DCLK2: variants seen among roughly 807,000 people sequenced by gnomAD.
The protein encoded by DCLK2 is serine/threonine-protein kinase DCLK2.
A neutral mutation model predicts 78.4 loss-of-function variants in DCLK2; 31 were observed. The ratio of observed to expected loss-of-function variants is 0.40; its 90% CI spans 0.30 to 0.53. DCLK2 has a LOEUF of 0.53. Ranked by LOEUF, DCLK2 falls within the 20% of genes least tolerant of loss-of-function variation. The probability of loss-of-function intolerance (pLI) is 0.61; values close to 1 mark genes in which losing one functional copy is unlikely to be tolerated. For synonymous variants in DCLK2, 407 were observed against 374.9 expected, an observed-to-expected ratio of 1.09 and a Z score of -0.99; for missense variants, 872 against 973.7, an observed-to-expected ratio of 0.90 and a Z score of 1.39.
chr4:150,164,835 C>T (rs570213362), intron 2 of DCLK2, among the ~76,000 whole-genome samples: 24 of 152,222 alleles, frequency 1.6e-4, no homozygotes, highest in South Asian at 6.2e-4. Flanking sequence ...TTTATTAGTA[C>T]AGATTAACCA....
Position 150,253,636 on chromosome 4 carries a change from G to C in DCLK2, c.2074-2384G>C, listed in dbSNP as rs1234423844. ...CTGCATGCTTGTCTCAGTTTCTGAT[G>C]CCGCCGTCCGGCTCTCAGCTGCTTA... On this transcript the variant is annotated intron_variant, in intron 15 of 15. Transcript: ENST00000296550. 4 of 1,276,254 alleles carry C rather than the reference G, an allele frequency of 3.1e-6. No individual in the cohort carries two copies. In the African/African-American group the frequency reaches 6.1e-5, roughly 20 times the overall value. 79.1% of individuals were successfully genotyped at this position (1,276,254 alleles called of 1,614,324 possible).
intron 2 of DCLK2, among the ~76,000 whole-genome samples, chr4:150,174,387 T>G (rs1345535722): frequency 2.6e-5 from 4 of 152,300 alleles, no homozygotes; most frequent in East Asian, 3.9e-4. Flanking sequence ...TGCTTCTTGT[T>G]TTATATAATA....
intron 7 of DCLK2, among the ~76,000 whole-genome samples, chr4:150,223,752 A>AATAG: frequency 6.6e-6 from 1 of 150,888 alleles, no homozygotes; most frequent in South Asian, 2.1e-4. Context: ...TCAATAAATA[A>AATAG]ATAAATAAAT....
intron 2 of DCLK2, among the ~76,000 whole-genome samples, chr4:150,156,906 G>T (rs1035003702): frequency 1.3e-5 from 2 of 151,582 alleles, no homozygotes; most frequent in Admixed American, 1.3e-4. Context: ...AAGTAGCTGA[G>T]GCCACCGATG....
chr4:150,125,310 CTATAAT>C (rs1323352116), intron 2 of DCLK2, among the ~76,000 whole-genome samples: 1 of 152,150 alleles, frequency 6.6e-6, no homozygotes, highest in Non-Finnish European at 1.5e-5. Flanking sequence ...TTTTACCACT[CTATAAT>C]TATTCCTATT....
Position 150,121,997 on chromosome 4 carries a change from T to C in DCLK2, c.756+19185T>C, listed in dbSNP as rs144139745. Among the ~76,000 whole-genome samples, 628 of 152,348 alleles carry C rather than the reference T, an allele frequency of 4.1e-3. 4 individuals carry two copies. The highest frequency in any genetic ancestry group is 0.015 in the African/African-American group (607 of 41,586). Reference sequence around the variant, plus strand: ...AACCATGCTGTAAATAGATGCACTGTCATCCAGACTTTGTTGTTCCATTTA... The same window carrying C: ...AACCATGCTGTAAATAGATGCACTGCCATCCAGACTTTGTTGTTCCATTTA... On this transcript the variant is annotated intron_variant, in intron 2 of 15. Transcript: ENST00000296550.
chr4:150,193,706 A>T (rs1266894932), intron 3 of DCLK2, among the ~76,000 whole-genome samples: 3 of 152,194 alleles, frequency 2.0e-5, no homozygotes, highest in African/African-American at 7.2e-5. Context: ...AATGGTGATT[A>T]TCTGAGGTGT....
chr4:150,224,679 T>C (rs1741463180), intron 8 of DCLK2, 121 bp downstream of exon 8: 3 of 684,300 alleles, frequency 4.4e-6, no homozygotes, highest in Non-Finnish European at 6.9e-6. Flanking sequence ...TAGAGACCAG[T>C]AATAGTGGGA....
At chr4:150,167,376 T>A (rs1048754899) in intron 2 of DCLK2, among the ~76,000 whole-genome samples, 1 of 152,246 alleles carries the variant, frequency 6.6e-6, no homozygotes, top group African/African-American at 2.4e-5. Flanking sequence ...GGAAATAGTT[T>A]GTATCTGCCC....
intron 12 of DCLK2, among the ~76,000 whole-genome samples, chr4:150,247,102 C>G (rs1743376677): frequency 6.6e-6 from 1 of 152,072 alleles, no homozygotes; most frequent in African/African-American, 2.4e-5. Context: ...TTCTGCCTTT[C>G]CTTTCTTGTT....
At chr4:150,179,493 A>G (rs139708991) in intron 2 of DCLK2, among the ~76,000 whole-genome samples, 36 of 152,226 alleles carry the variant, frequency 2.4e-4, no homozygotes, top group African/African-American at 7.5e-4. Context: ...GAATTAACCA[A>G]CCATACCTCC....
At chr4:150,118,354 T>C (rs930151486) in intron 2 of DCLK2, among the ~76,000 whole-genome samples, 1 of 152,240 alleles carries the variant, frequency 6.6e-6, no homozygotes, top group Non-Finnish European at 1.5e-5. Flanking sequence ...AATTATACTT[T>C]GAGTAGGATC....
Position 150,078,450 on chromosome 4 carries a change from C to G in DCLK2, c.-578C>G, listed in dbSNP as rs1253111865. On this transcript the variant is annotated 5_prime_UTR_variant, in exon 1 of 16. Transcript: ENST00000296550. ...CTCCAGGGAAGGAAGGGGCCAGACACGGCCCTCTCAGCCCCGAACGGCGCG... is the reference window on the plus strand; with the variant it reads ...CTCCAGGGAAGGAAGGGGCCAGACAGGGCCCTCTCAGCCCCGAACGGCGCG... The G allele has an allele frequency of 6.6e-6, 1 of 151,732 alleles. No individual in the cohort carries two copies. Among genetic ancestry groups the G allele is most frequent in the Non-Finnish European group, 1.5e-5 (1 of 68,048 alleles). 9.4% of individuals were successfully genotyped at this position (151,732 alleles called of 1,614,324 possible).
chr4:150,233,697 A>G (rs73860555), intron 10 of DCLK2, among the ~76,000 whole-genome samples: 22 of 152,266 alleles, frequency 1.4e-4, no homozygotes, highest in African/African-American at 5.1e-4. Flanking sequence ...GTCTTATTCC[A>G]CTATGGTACC....
intron 13 of DCLK2, 39 bp downstream of exon 13, chr4:150,247,738 G>A (rs2126624211): frequency 1.9e-6 from 3 of 1,555,832 alleles, no homozygotes; most frequent in East Asian, 2.2e-5. Flanking sequence ...GTATTACGTT[G>A]TGGGGTCCTC....
chr4:150,247,063 A>G (rs1301459714), intron 12 of DCLK2, among the ~76,000 whole-genome samples: 1 of 152,192 alleles, frequency 6.6e-6, no homozygotes, highest in Non-Finnish European at 1.5e-5. Flanking sequence ...AAGTGCAAAG[A>G]AGAAGGGAAA....
intron 2 of DCLK2, among the ~76,000 whole-genome samples, chr4:150,129,190 G>A (rs1733120535): frequency 6.6e-6 from 1 of 152,010 alleles, no homozygotes; most frequent in South Asian, 2.1e-4. Context: ...CAGACACTGT[G>A]ACAACAAAAA....
At chr4:150,098,281 A>C (rs1346970758) in intron 1 of DCLK2, among the ~76,000 whole-genome samples, 1 of 152,112 alleles carries the variant, frequency 6.6e-6, no homozygotes, top group East Asian at 1.9e-4. Flanking sequence ...GGTATTGTGG[A>C]TTGCACAGTG....
At chr4:150,250,649 G>C (rs1743713320) in intron 15 of DCLK2, among the ~76,000 whole-genome samples, 1 of 151,720 alleles carries the variant, frequency 6.6e-6, no homozygotes, top group Non-Finnish European at 1.5e-5. Flanking sequence ...ACTGAGTCCT[G>C]ACAGCTAAGG....
Sources: gnomAD v4.1 joint callset for allele counts (sites outside exome capture counted in the v4.1 genomes callset) on GRCh38, gnomAD v4.1.1 for gene constraint, MANE v1.5 for transcripts, NCBI Gene and HGNC (gene_info 2026-07-23, HGNC 2026-07-21) for gene names.